CACNA1C: variants seen among roughly 807,000 people sequenced by gnomAD.
The protein encoded by CACNA1C is voltage-dependent L-type calcium channel subunit alpha-1C.
In CACNA1C, 30 loss-of-function variants were observed where a neutral mutation model predicts 229.0. That is an observed-to-expected ratio of 0.13 (90% CI 0.10 to 0.18). CACNA1C has a LOEUF of 0.18. CACNA1C is among the 10% of genes least tolerant of loss of function. CACNA1C has a pLI of 1.00. For missense variants in CACNA1C, 1,658 were observed against 2,845.0 expected (o/e 0.58, Z 9.49); for synonymous variants, 1,114 against 1,132.5 (o/e 0.98, Z 0.33).
At chr12:2,658,118 T>C (rs1035400797) in intron 34 of CACNA1C, among the ~76,000 whole-genome samples, 2 of 152,188 alleles carry the variant, frequency 1.3e-5, no homozygotes, top group African/African-American at 4.8e-5. Context: ...CTTGAACTTA[T>C]CGAGTTATAC....
In CACNA1C at chr12:2,504,444, C is replaced by A; in HGVS notation, c.1114-398C>A. The A allele has an allele frequency of 6.3e-7, 1 of 1,590,894 alleles. No individual in the cohort carries two copies. Among genetic ancestry groups the A allele is most frequent in the Non-Finnish European group, 8.6e-7 (1 of 1,159,164 alleles). ...TTCCTTCGTCTTTCCAGATGCAGGA[C>A]GCTATGGGCTATGAGTTACCCTGGG... On this transcript the variant is annotated intron_variant, in intron 7 of 46. Coordinates refer to ENST00000399655, the MANE Select transcript of CACNA1C (RefSeq NM_000719.7). The surrounding 1 kb of genome is among the most constrained non-coding windows in gnomAD (Gnocchi z 6.8).
rs1444045030 is a variant in CACNA1C, at chr12:2,448,948, TTC to T, written c.478-22_478-21del. 2.5e-6 allele frequency: 4 copies of T among 1,586,054 alleles called. No individual in the cohort carries two copies. In the African/African-American group the frequency reaches 5.4e-5, roughly 21 times the overall value. On this transcript the variant is annotated intron_variant, in intron 3 of 46. Transcript: ENST00000399655. ...AAATCCCCAAACCAATGACTTATTT[TTC>T]TCTCTTTTCTATTTCTGTTTCCTAG...
intron 30 of CACNA1C, among the ~76,000 whole-genome samples, chr12:2,645,021 T>C (rs1449762140): frequency 6.6e-6 from 1 of 152,232 alleles, no homozygotes; most frequent in Non-Finnish European, 1.5e-5. Flanking sequence ...TCATTTCATT[T>C]ATATCAATTA....
At chr12:2,370,660 T>A (rs2097843466) in intron 3 of CACNA1C, among the ~76,000 whole-genome samples, 1 of 152,230 alleles carries the variant, frequency 6.6e-6, no homozygotes, top group Non-Finnish European at 1.5e-5. Flanking sequence ...AATTCAATAG[T>A]ATCTTAATAA....
Position 2,605,341 on chromosome 12 carries a change from A to G in CACNA1C, c.3048+173A>G, listed in dbSNP as rs1456477866. Among the ~76,000 whole-genome samples, 1 of 152,218 alleles carries G rather than the reference A, an allele frequency of 6.6e-6. No homozygotes were observed. The highest frequency in any genetic ancestry group is 6.5e-5 in the Admixed American group (1 of 15,286). On this transcript the variant is annotated intron_variant, in intron 23 of 46. Coordinates refer to ENST00000399655, the MANE Select transcript of CACNA1C (RefSeq NM_000719.7). The surrounding 1 kb of genome is among the most constrained non-coding windows in gnomAD (Gnocchi z 6.2). ...CGGTTCCGTAATGAACAGAATAGTA[A>G]CAGAGGCAGCCATCCCAAGTGTCTG...
Position 2,466,915 on chromosome 12 carries a change from G to A in CACNA1C, c.757+9209G>A, listed in dbSNP as rs116443766. On this transcript the variant is annotated intron_variant, in intron 5 of 46. Transcript: ENST00000399655. ...GTTCTCACCCCCTCTCATGTCCTTG[G>A]ACTTGGCCCTCATTCTCCCCTCACT... Among the ~76,000 whole-genome samples, 437 of 152,154 alleles carry A rather than the reference G, an allele frequency of 2.9e-3. 2 individuals carry two copies. Among genetic ancestry groups the A allele is most frequent in the African/African-American group, 0.01 (423 of 41,498 alleles).
intron 3 of CACNA1C, among the ~76,000 whole-genome samples, chr12:2,352,092 CCT>C (rs1451508237): frequency 6.6e-6 from 1 of 152,192 alleles, no homozygotes; most frequent in African/African-American, 2.4e-5. Flanking sequence ...ACAAAAATTC[CCT>C]TTCTCTGTTT....
rs116531761 is a variant in CACNA1C, at chr12:2,065,929, G to A, written c.49+12318G>A. 5.6e-3 allele frequency among the ~76,000 whole-genome samples: 856 copies of A among 152,240 alleles called. 7 individuals are homozygous for A. The highest frequency in any genetic ancestry group is 0.02 in the African/African-American group (817 of 41,532). ...GAGAAAGTTGGAATGGCAGGAAGGG[G>A]ATAATGCGTGGAGCACCCTGTATTG... On this transcript the variant is annotated intron_variant, in intron 1 of 46. Coordinates refer to ENST00000399655, the MANE Select transcript of CACNA1C (RefSeq NM_000719.7).
chr12:2,026,361 G>A (rs1207530259), intron 1 of CACNA1C, among the ~76,000 whole-genome samples: 3 of 152,194 alleles, frequency 2.0e-5, no homozygotes, highest in African/African-American at 7.2e-5. Context: ...GGTCCCATCT[G>A]TGTATTAGAA....
chr12:2,587,664 A>G (rs1446480728), intron 18 of CACNA1C, among the ~76,000 whole-genome samples: 3 of 152,014 alleles, frequency 2.0e-5, no homozygotes, highest in African/African-American at 7.2e-5. Context: ...AATGCCTCTC[A>G]CGTAGCTACC....
intron 1 of CACNA1C, chr12:1,992,429 T>C (rs895107075): frequency 2.0e-5 from 3 of 153,248 alleles, no homozygotes; most frequent in Non-Finnish European, 4.4e-5. Flanking sequence ...GTTCAAAGAG[T>C]AGGATGAAAA....
chr12:2,411,003 C>T (rs910423648), intron 3 of CACNA1C, among the ~76,000 whole-genome samples: 2 of 152,124 alleles, frequency 1.3e-5, no homozygotes, highest in African/African-American at 4.8e-5. Flanking sequence ...GTAAGACTAC[C>T]AGGCTCCATC....
At chr12:2,352,762 T>G (rs2097242888) in intron 3 of CACNA1C, among the ~76,000 whole-genome samples, 1 of 152,126 alleles carries the variant, frequency 6.6e-6, no homozygotes, top group African/African-American at 2.4e-5. Context: ...CCGTTGAGTG[T>G]CTGGCAAAGA....
At chr12:2,166,287 T>G (rs1231486770) in intron 3 of CACNA1C, among the ~76,000 whole-genome samples, 1 of 152,208 alleles carries the variant, frequency 6.6e-6, no homozygotes, top group East Asian at 1.9e-4. Flanking sequence ...CCATCAGTAG[T>G]CATTCTTTGG....
At chr12:2,248,252 T>G (rs2154382125) in intron 3 of CACNA1C, among the ~76,000 whole-genome samples, 1 of 152,290 alleles carries the variant, frequency 6.6e-6, no homozygotes, top group South Asian at 2.1e-4. Context: ...ATATAACCAG[T>G]GAGCAGTGTC....
At chr12:2,572,355 TC>T (rs1568495253) in intron 13 of CACNA1C, among the ~76,000 whole-genome samples, 9 of 102,048 alleles carry the variant, frequency 8.8e-5, no homozygotes, top group Non-Finnish European at 1.4e-4. Flanking sequence ...CTCCTCCTCC[TC>T]TCCTCCTCCT....
At chr12:2,618,070 C>A (rs917697727) in intron 29 of CACNA1C, among the ~76,000 whole-genome samples, 1 of 152,216 alleles carries the variant, frequency 6.6e-6, no homozygotes, top group African/African-American at 2.4e-5. Context: ...ACTTTGGAGG[C>A]TGAGGGTCCG....
At chr12:2,242,138 C>T (rs1052585397) in intron 3 of CACNA1C, among the ~76,000 whole-genome samples, 2 of 152,208 alleles carry the variant, frequency 1.3e-5, no homozygotes, top group African/African-American at 2.4e-5. Context: ...GCTCAGTTTT[C>T]CCAGCCATAC....
At chr12:2,446,231 A>ATGGT (rs2099277527) in intron 3 of CACNA1C, among the ~76,000 whole-genome samples, 2 of 135,498 alleles carry the variant, frequency 1.5e-5, no homozygotes, top group Non-Finnish European at 3.2e-5. Flanking sequence ...GGATGGATGG[A>ATGGT]TGGGTAGGTG....
Sources: gnomAD v4.1 joint callset for allele counts (sites outside exome capture counted in the v4.1 genomes callset) on GRCh38, gnomAD v4.1.1 for gene constraint, Gnocchi (gnomAD v3.1) non-coding constraint, MANE v1.5 for transcripts, NCBI Gene and HGNC (gene_info 2026-07-23, HGNC 2026-07-21) for gene names.